TAFA1: variants seen among roughly 807,000 people sequenced by gnomAD.
TAFA1 encodes TAFA chemokine like family member 1.
In TAFA1, 4 loss-of-function variants were observed where a neutral mutation model predicts 18.5. The ratio of observed to expected loss-of-function variants is 0.22; its 90% CI spans 0.11 to 0.49. The LOEUF (loss-of-function observed/expected upper bound fraction) is 0.49. Among genes scored for constraint, TAFA1 ranks in the 20% least tolerant of loss-of-function variants. The pLI is 0.98. For missense variants in TAFA1, 147 were observed against 169.0 expected (o/e 0.87, Z 0.72); for synonymous variants, 56 against 55.2 (o/e 1.01, Z -0.06).
chr3:68,139,535 C>T (rs1314952289), intron 2 of TAFA1, among the ~76,000 whole-genome samples: 1 of 152,070 alleles, frequency 6.6e-6, no homozygotes, highest in African/African-American at 2.4e-5. Flanking sequence ...TTATTCTCTT[C>T]TTTAAAAAAA....
intron 2 of TAFA1, among the ~76,000 whole-genome samples, chr3:68,123,051 C>T (rs554492018): frequency 6.6e-6 from 1 of 151,876 alleles, no homozygotes; most frequent in Non-Finnish European, 1.5e-5. Context: ...TCCTCCCTTC[C>T]TCCCTTCCTT....
chr3:68,073,226 C>T (rs372821891), intron 2 of TAFA1, among the ~76,000 whole-genome samples: 19 of 152,128 alleles, frequency 1.2e-4, no homozygotes, highest in African/African-American at 3.1e-4. Flanking sequence ...CTTTGTTATA[C>T]GAAGATATTT....
chr3:68,240,881 A>G (rs2107135694), intron 2 of TAFA1, among the ~76,000 whole-genome samples: 1 of 152,346 alleles, frequency 6.6e-6, no homozygotes, highest in East Asian at 1.9e-4. Flanking sequence ...GTACAGAGAC[A>G]GAGAGCAACT....
intron 2 of TAFA1, among the ~76,000 whole-genome samples, chr3:68,141,681 C>G (rs1297198142): frequency 6.6e-6 from 1 of 152,192 alleles, no homozygotes; most frequent in African/African-American, 2.4e-5. Context: ...TGGAGCTCCT[C>G]AGGGCCACTG....
chr3:68,398,102 C>T (rs1242220221), intron 2 of TAFA1, among the ~76,000 whole-genome samples: 1 of 151,992 alleles, frequency 6.6e-6, no homozygotes, highest in East Asian at 1.9e-4. Flanking sequence ...AAAAAGAGCC[C>T]GTATAGCCAA....
At chr3:68,023,499 G>C (rs1575578953) in intron 2 of TAFA1, among the ~76,000 whole-genome samples, 3 of 152,184 alleles carry the variant, frequency 2.0e-5, no homozygotes, top group East Asian at 3.9e-4. Flanking sequence ...GTTCTACCAT[G>C]TTCCTGGAAG....
intron 2 of TAFA1, among the ~76,000 whole-genome samples, chr3:68,132,738 G>A (rs2065557645): frequency 6.6e-6 from 1 of 151,908 alleles, no homozygotes; most frequent in East Asian, 1.9e-4. Context: ...TTTTTTTCTT[G>A]TAAATTTGTT....
intron 2 of TAFA1, among the ~76,000 whole-genome samples, chr3:68,260,723 A>G (rs928809015): frequency 2.0e-5 from 3 of 152,190 alleles, no homozygotes; most frequent in Non-Finnish European, 4.4e-5. Flanking sequence ...CCATATGTAG[A>G]AAGCTGAAAT....
intron 3 of TAFA1, among the ~76,000 whole-genome samples, chr3:68,491,188 G>A (rs1472272252): frequency 1.3e-5 from 2 of 151,968 alleles, no homozygotes; most frequent in African/African-American, 2.4e-5. Context: ...CCCATTACTG[G>A]GTATATACCC....
At chr3:68,419,941 A>T in intron 3 of TAFA1, among the ~76,000 whole-genome samples, 1 of 152,158 alleles carries the variant, frequency 6.6e-6, no homozygotes, top group Non-Finnish European at 1.5e-5. Context: ...ACTATCTCTG[A>T]TCTCGTTTAC....
intron 2 of TAFA1, among the ~76,000 whole-genome samples, chr3:68,314,593 G>T (rs1004409700): frequency 2.0e-5 from 3 of 152,116 alleles, no homozygotes; most frequent in African/African-American, 7.2e-5. Context: ...CTACACATAC[G>T]CAATATCATG....
intron 3 of TAFA1, among the ~76,000 whole-genome samples, chr3:68,495,811 A>T (rs1013367964): frequency 3.9e-5 from 6 of 152,136 alleles, no homozygotes; most frequent in African/African-American, 1.4e-4. Flanking sequence ...AAGAAAGGAA[A>T]CCAAGAAAGG....
intron 2 of TAFA1, among the ~76,000 whole-genome samples, chr3:68,014,236 G>T (rs766829083): frequency 6.6e-6 from 1 of 152,176 alleles, no homozygotes. Flanking sequence ...AGGGGGTAAA[G>T]CACCTCAGTG....
chr3:68,089,361 T>A (rs1575610714), intron 2 of TAFA1, among the ~76,000 whole-genome samples: 2 of 152,208 alleles, frequency 1.3e-5, no homozygotes, highest in Non-Finnish European at 2.9e-5. Flanking sequence ...AGCAAGTAGA[T>A]TATAAACATT....
Position 68,262,344 on chromosome 3 carries a change from TA to T in TAFA1, c.119-154935del, listed in dbSNP as rs1559585951. Among the ~76,000 whole-genome samples, 60 of 93,340 alleles carry T rather than the reference TA, an allele frequency of 6.4e-4. 1 individual carries two copies. The highest frequency in any genetic ancestry group is 1.0e-3 in the East Asian group (2 of 1,912). The allele number at this position is 93,340 out of a possible 152,430, so 61.2% of individuals were successfully genotyped here. The stretch of plus-strand genomic sequence containing the variant: ...ATATATATATATATATATATATATA[TA>T]TATATATATATATTTCATGGGTATA... On this transcript the variant is annotated intron_variant, in intron 2 of 4. Transcript: ENST00000478136.
intron 2 of TAFA1, among the ~76,000 whole-genome samples, chr3:68,090,043 A>G (rs758122752): frequency 5.9e-5 from 9 of 152,110 alleles, no homozygotes; most frequent in Non-Finnish European, 1.2e-4. Flanking sequence ...GAGCCCTTCT[A>G]CTCACTAAGA....
chr3:67,991,769 C>G, the TAFA1 span, among the ~76,000 whole-genome samples: 1 of 152,192 alleles, frequency 6.6e-6, no homozygotes, highest in African/African-American at 2.4e-5. Context: ...AGCTTGCAGA[C>G]AGCCTGTCGT....
chr3:68,176,628 A>G (rs555989038), intron 2 of TAFA1, among the ~76,000 whole-genome samples: 1 of 152,288 alleles, frequency 6.6e-6, no homozygotes, highest in East Asian at 1.9e-4. Context: ...AATTTGCATA[A>G]TTCATGTTGC....
chr3:68,225,887 A>C (rs4999960), intron 2 of TAFA1, among the ~76,000 whole-genome samples: 79,443 of 147,444 alleles, frequency 0.54, 21,473 homozygotes, highest in Admixed American at 0.63. Flanking sequence ...TGTAAGCATA[A>C]AAAAAAAAAA....
Sources: gnomAD v4.1 joint callset for allele counts (sites outside exome capture counted in the v4.1 genomes callset) on GRCh38, gnomAD v4.1.1 for gene constraint, MANE v1.5 for transcripts, NCBI Gene and HGNC (gene_info 2026-07-23, HGNC 2026-07-21) for gene names.